The following GPC4 variants were observed in gnomAD, a reference collection of about 807,000 sequenced individuals.
The protein encoded by GPC4 is glypican 4, also known as glypican-4.
In GPC4, 10 loss-of-function variants were observed where a neutral mutation model predicts 35.0. The ratio of observed to expected loss-of-function variants is 0.29; its 90% CI spans 0.18 to 0.48. The LOEUF (loss-of-function observed/expected upper bound fraction) is 0.48, where lower values mean the gene tolerates loss of function less well. Ranked by LOEUF, GPC4 falls within the 20% of genes least tolerant of loss-of-function variation. GPC4 has a pLI of 0.99. For synonymous variants in GPC4, 167 were observed against 170.2 expected (o/e 0.98, Z 0.15); for missense variants, 322 against 451.3 (o/e 0.71, Z 2.60).
At chrX:133,325,263 AGT>A (rs1448258787) in intron 2 of GPC4, among the ~76,000 whole-genome samples, 1 of 109,861 alleles carries the variant, frequency 9.1e-6, no homozygotes, top group Non-Finnish European at 1.9e-5. Flanking sequence ...TCCTTCTGAT[AGT>A]GTGTGTGTGA....
At chrX:133,387,863 T>C (rs2068699507) in intron 1 of GPC4, among the ~76,000 whole-genome samples, 1 of 112,017 alleles carries the variant, frequency 8.9e-6, no homozygotes, top group Non-Finnish European at 1.9e-5. Flanking sequence ...AGTTCCCCAA[T>C]AGCTTCTTCA....
chrX:133,396,673 C>T (rs1175496708), intron 1 of GPC4, among the ~76,000 whole-genome samples: 1 of 111,445 alleles, frequency 9.0e-6, no homozygotes, highest in African/African-American at 3.3e-5. Flanking sequence ...TTAATATGGT[C>T]GATTACAGAA....
At chrX:133,380,262 A>G (rs1225613584) in intron 1 of GPC4, among the ~76,000 whole-genome samples, 2 of 110,310 alleles carry the variant, frequency 1.8e-5, no homozygotes, top group African/African-American at 6.6e-5. Flanking sequence ...ACTTGAACCC[A>G]GGAGGCGGAG....
At chrX:133,381,757 C>G (rs1176407980) in intron 1 of GPC4, among the ~76,000 whole-genome samples, 1 of 112,119 alleles carries the variant, frequency 8.9e-6, no homozygotes, top group African/African-American at 3.2e-5. Flanking sequence ...TAGTGTTGTG[C>G]CCTAACCCCA....
At chrX:133,347,251 T>TTTG (rs1556029448) in intron 1 of GPC4, among the ~76,000 whole-genome samples, 6 of 73,473 alleles carry the variant, frequency 8.2e-5, no homozygotes, top group African/African-American at 3.6e-4. Flanking sequence ...ATTAGAAGTT[T>TTTG]TTTTTTTTTT....
chrX:133,405,656 C>T (rs1465441580), intron 1 of GPC4, among the ~76,000 whole-genome samples: 1 of 111,974 alleles, frequency 8.9e-6, no homozygotes, highest in East Asian at 2.8e-4. Flanking sequence ...CTGCCTCTAA[C>T]ACGATCCCTT....
At chrX:133,373,388 GAC>G (rs745387266) in intron 1 of GPC4, among the ~76,000 whole-genome samples, 2,072 of 106,863 alleles carry the variant, frequency 0.019, 58 homozygotes, top group African/African-American at 0.065. Flanking sequence ...GGTTATTGAA[GAC>G]ACACACACAC....
At chrX:133,400,781 T>C (rs1192230547) in intron 1 of GPC4, among the ~76,000 whole-genome samples, 1 of 111,030 alleles carries the variant, frequency 9.0e-6, no homozygotes, top group Non-Finnish European at 1.9e-5. Context: ...GCCAATGTGG[T>C]AGGCATTGGG....
At chrX:133,318,896 T>C (rs773500888) in intron 3 of GPC4, among the ~76,000 whole-genome samples, 12 of 112,249 alleles carry the variant, frequency 1.1e-4, no homozygotes, top group African/African-American at 1.6e-4. Context: ...CTGAAATCAC[T>C]GGAGATGTGG....
chrX:133,341,972 C>G (rs1314198013), intron 1 of GPC4, among the ~76,000 whole-genome samples: 1 of 108,195 alleles, frequency 9.2e-6, no homozygotes, highest in African/African-American at 3.4e-5. Context: ...GACCCTCAAG[C>G]AGAACCTTAT....
At chrX:133,391,516 A>G (rs2068719498) in intron 1 of GPC4, among the ~76,000 whole-genome samples, 1 of 112,184 alleles carries the variant, frequency 8.9e-6, no homozygotes, top group African/African-American at 3.2e-5. Flanking sequence ...CTGCTGGTTA[A>G]TTTTGTAAAT....
At chrX:133,342,946 G>A (rs2068473432) in intron 1 of GPC4, among the ~76,000 whole-genome samples, 1 of 111,693 alleles carries the variant, frequency 9.0e-6, no homozygotes, top group African/African-American at 3.3e-5. Flanking sequence ...GCCTGAGTGA[G>A]AAATCTTTTC....
In GPC4 at chrX:133,302,828, T is replaced by C; in HGVS notation, c.*39A>G. The C allele has an allele frequency of 8.5e-7, 1 of 1,180,426 alleles. No individual in the cohort carries two copies. The highest frequency in any genetic ancestry group is 1.2e-6 in the Non-Finnish European group (1 of 868,686). On this transcript the variant is annotated 3_prime_UTR_variant, in exon 9 of 9. Coordinates refer to ENST00000370828, the MANE Select transcript of GPC4 (RefSeq NM_001448.3). ...GTAGAAAAGTGATAACTGGTGCCTT[T>C]TAACTTTTTGATGAACACTTTTTCT... is the stretch of plus-strand genomic sequence containing the variant.
intron 1 of GPC4, among the ~76,000 whole-genome samples, chrX:133,363,765 T>C (rs990251581): frequency 1.3e-4 from 15 of 111,426 alleles, no homozygotes; most frequent in African/African-American, 3.9e-4. Context: ...CCATCACCAC[T>C]ATCTAATCCC....
intron 4 of GPC4, among the ~76,000 whole-genome samples, chrX:133,306,439 G>A (rs1019462265): frequency 1.8e-5 from 2 of 111,242 alleles, no homozygotes; most frequent in African/African-American, 6.5e-5. Context: ...CTGATTATTC[G>A]TGTGTCAGCC....
Position 133,414,662 on chromosome X carries a change from T to A in GPC4, c.160+144A>T. On this transcript the variant is annotated intron_variant, in intron 1 of 8. Coordinates refer to ENST00000370828, the MANE Select transcript of GPC4 (RefSeq NM_001448.3). Reference sequence around the variant, plus strand: ...CGGGCTGCCTGGCTCTCTCGCTCGCTCGCTCCTGCCCTCTCGACTGCCCAT... The same window carrying A: ...CGGGCTGCCTGGCTCTCTCGCTCGCACGCTCCTGCCCTCTCGACTGCCCAT... 5 of 1,108,979 alleles carry A rather than the reference T, an allele frequency of 4.5e-6. No individual in the cohort carries two copies. The Admixed American group carries it at 1.6e-4, about 35-fold the overall frequency. 91.4% of individuals were successfully genotyped at this position (1,108,979 alleles called of 1,213,427 possible).
At chrX:133,368,708 A>C (rs1222981110) in intron 1 of GPC4, among the ~76,000 whole-genome samples, 3 of 110,887 alleles carry the variant, frequency 2.7e-5, no homozygotes, top group African/African-American at 9.8e-5. Context: ...GCAGTGGCGC[A>C]ATCTTGGCTC....
chrX:133,383,658 C>A (rs1360038578), intron 1 of GPC4, among the ~76,000 whole-genome samples: 1 of 110,788 alleles, frequency 9.0e-6, no homozygotes, highest in Admixed American at 9.6e-5. Context: ...CTAGCCTGGG[C>A]AACATGGAAA....
rs1229608365 is a variant in GPC4, at chrX:133,301,151, T to C, written c.*1716A>G. 1 of 112,477 alleles carries C rather than the reference T, an allele frequency of 8.9e-6. No homozygotes were observed. The highest frequency in any genetic ancestry group is 1.9e-5 in the Non-Finnish European group (1 of 53,257). The allele number at this position is 112,477 out of a possible 1,213,427, so 9.3% of individuals were successfully genotyped here. ...TCCATTTTGACCACTCTGCAGAATT[T>C]GGTGTAAAAAGTTGAATGAAATGTA... is the stretch of plus-strand genomic sequence containing the variant. On this transcript the variant is annotated 3_prime_UTR_variant, in exon 9 of 9. Coordinates refer to ENST00000370828, the MANE Select transcript of GPC4 (RefSeq NM_001448.3).
Sources: gnomAD v4.1 joint callset for allele counts (sites outside exome capture counted in the v4.1 genomes callset) on GRCh38, gnomAD v4.1.1 for gene constraint, MANE v1.5 for transcripts, NCBI Gene and HGNC (gene_info 2026-07-23, HGNC 2026-07-21) for gene names.